Variants in COL13A1 observed in about 807,000 individuals in gnomAD.
The protein encoded by COL13A1 is collagen type XIII alpha 1 chain.
A neutral mutation model predicts 130.9 loss-of-function variants in COL13A1; 89 were observed. The ratio of observed to expected loss-of-function variants is 0.68; its 90% CI spans 0.57 to 0.81. COL13A1 has a LOEUF of 0.81. COL13A1 is among the 30% of genes least tolerant of loss of function. COL13A1 has a pLI of 0.00. For missense variants in COL13A1, 879 were observed against 934.6 expected (o/e 0.94, Z 0.78); for synonymous variants, 402 against 341.6 (o/e 1.18, Z -1.95).
chr10:69,830,826 C>T (rs891478990), intron 2 of COL13A1, among the ~76,000 whole-genome samples: 3 of 152,146 alleles, frequency 2.0e-5, no homozygotes, highest in African/African-American at 7.2e-5. Context: ...AAACCATCAC[C>T]ACAATCAGTT....
Position 69,958,821 on chromosome 10 carries a change from A to G in COL13A1, c.*120A>G. The G allele has an allele frequency of 7.4e-7, 1 of 1,360,000 alleles. No homozygotes were observed. Among genetic ancestry groups the G allele is most frequent in the Non-Finnish European group, 1.0e-6 (1 of 993,474 alleles). 84.2% of individuals were successfully genotyped at this position (1,360,000 alleles called of 1,614,324 possible). On this transcript the variant is annotated 3_prime_UTR_variant, in exon 41 of 41. Transcript: ENST00000645393. Reference sequence around the variant, plus strand: ...GCATCTTACAGATTATTAAAAAAGAAAGAAAAACCTGCATATTTTGTACAG... The same window carrying G: ...GCATCTTACAGATTATTAAAAAAGAGAGAAAAACCTGCATATTTTGTACAG...
intron 40 of COL13A1, 95 bp downstream of exon 40, chr10:69,957,137 C>A (rs1589786363): frequency 2.8e-6 from 3 of 1,080,226 alleles, no homozygotes; most frequent in East Asian, 2.4e-5. Flanking sequence ...GATGAGGCAG[C>A]AAGACATAGG....
intron 13 of COL13A1, 116 bp from the exon 14 acceptor site, chr10:69,898,581 C>T (rs2061886008): frequency 1.3e-6 from 1 of 744,014 alleles, no homozygotes; most frequent in South Asian, 1.8e-5. Flanking sequence ...CTTCTCTCTT[C>T]CTCTGCTCCG....
At chr10:69,810,654 C>T (rs1275536162) in intron 1 of COL13A1, among the ~76,000 whole-genome samples, 3 of 152,200 alleles carry the variant, frequency 2.0e-5, no homozygotes, top group African/African-American at 7.2e-5. Context: ...GGTTCTGCCC[C>T]TCCCAGAAAC....
Position 69,858,115 on chromosome 10 carries a change from C to CAAAAAAAAAA in COL13A1, c.365-9672_365-9663dup, listed in dbSNP as rs573668102. Reference sequence around the variant, plus strand: ...TGGGTGACAGAGCGAGACTCCGTCTCAAAAAAAAAAAAAAAAAAAAGATTG... The same window carrying CAAAAAAAAAA: ...TGGGTGACAGAGCGAGACTCCGTCTCAAAAAAAAAAAAAAAAAAAAAAAAAAAAAAGATTG... On this transcript the variant is annotated intron_variant, in intron 2 of 40. Transcript: ENST00000645393. Among the ~76,000 whole-genome samples, 717 of 80,250 alleles carry CAAAAAAAAAA rather than the reference C, an allele frequency of 8.9e-3. 71 individuals carry two copies. The highest frequency in any genetic ancestry group is 0.023 in the Middle Eastern group (2 of 88). 52.6% of individuals were successfully genotyped at this position (80,250 alleles called of 152,430 possible). A position where few individuals can be genotyped will look rare whatever the true frequency, so the allele number is the denominator to read the frequency against.
At chr10:69,843,923 G>A (rs1477267335) in intron 2 of COL13A1, among the ~76,000 whole-genome samples, 2 of 152,180 alleles carry the variant, frequency 1.3e-5, no homozygotes, top group East Asian at 3.9e-4. Context: ...TGTGGGCCAG[G>A]CGCTGTTATC....
chr10:69,872,073 A>G (rs1206482170), intron 3 of COL13A1, 111 bp from the exon 4 acceptor site: 5 of 1,272,812 alleles, frequency 3.9e-6, no homozygotes, highest in South Asian at 1.2e-5. Context: ...ATAAAATAAC[A>G]AAGGCTTACC....
In COL13A1 at chr10:69,936,773, T is replaced by C; in HGVS notation, c.1788T>C (p.Pro596=). The C allele has an allele frequency of 6.2e-7, 1 of 1,613,974 alleles. No individual in the cohort carries two copies. The highest frequency in any genetic ancestry group is 8.5e-7 in the Non-Finnish European group (1 of 1,179,874). The part of the protein sequence containing the change: ...PPGPPGLQGV[P]GPKGEAGLDG... The stretch of plus-strand genomic sequence containing the variant: ...AAATGCAGGGGCTCCAAGGTGTTCC[T>C]GGACCAAAGGTAAGGAGAAGTCACA... Residue 596 remains proline (P), a synonymous_variant, in exon 33 of 41, where the codon CCT becomes CCC. Transcript: ENST00000645393.
intron 10 of COL13A1, 84 bp from the exon 11 acceptor site, chr10:69,894,468 C>A: frequency 5.9e-6 from 9 of 1,529,464 alleles, no homozygotes; most frequent in Non-Finnish European, 8.1e-6. Context: ...CTTCGGGATT[C>A]AGCCCCAATC....
At chr10:69,867,719 G>A in intron 2 of COL13A1, 79 bp from the exon 3 acceptor site, 1 of 714,288 alleles carries the variant, frequency 1.4e-6, no homozygotes, top group Non-Finnish European at 2.6e-6. Flanking sequence ...TGAATCCTTG[G>A]ACACTGCTTC....
At chr10:69,882,772 T>C (rs2060265939) in intron 7 of COL13A1, among the ~76,000 whole-genome samples, 1 of 152,222 alleles carries the variant, frequency 6.6e-6, no homozygotes, top group Non-Finnish European at 1.5e-5. Flanking sequence ...GGAAAGGTTT[T>C]ATCATACCAG....
At chr10:69,862,456 C>T (rs1486299563) in intron 2 of COL13A1, among the ~76,000 whole-genome samples, 1 of 152,184 alleles carries the variant, frequency 6.6e-6, no homozygotes, top group Admixed American at 6.5e-5. Flanking sequence ...GGCCATAGGG[C>T]TGTACGTGAC....
intron 1 of COL13A1, among the ~76,000 whole-genome samples, chr10:69,812,978 A>G (rs1200466480): frequency 6.6e-6 from 1 of 152,194 alleles, no homozygotes; most frequent in Non-Finnish European, 1.5e-5. Context: ...CACAGCTCTG[A>G]TGACAATGGC....
At chr10:69,857,374 C>T (rs576238031) in intron 2 of COL13A1, among the ~76,000 whole-genome samples, 1 of 152,292 alleles carries the variant, frequency 6.6e-6, no homozygotes, top group African/African-American at 2.4e-5. Flanking sequence ...TTTAAGGGCT[C>T]ATCTGAGAGG....
chr10:69,854,673 C>T (rs981509089), intron 2 of COL13A1, among the ~76,000 whole-genome samples: 2 of 151,982 alleles, frequency 1.3e-5, no homozygotes, highest in Non-Finnish European at 2.9e-5. Context: ...TGAGACCTGC[C>T]AAGGATGCCA....
intron 20 of COL13A1, 30 bp downstream of exon 20, chr10:69,919,118 G>C: frequency 6.2e-7 from 1 of 1,613,744 alleles, no homozygotes; most frequent in Middle Eastern, 1.7e-4. Context: ...GTTCCGGGCT[G>C]CACAGAGCAT....
chr10:69,826,466 C>T (rs1407469613), intron 2 of COL13A1, among the ~76,000 whole-genome samples: 1 of 152,180 alleles, frequency 6.6e-6, no homozygotes, highest in African/African-American at 2.4e-5. Context: ...CCATGACCAG[C>T]ACTGCAAAGA....
intron 28 of COL13A1, among the ~76,000 whole-genome samples, chr10:69,929,317 C>T (rs930668184): frequency 2.0e-5 from 3 of 152,024 alleles, no homozygotes; most frequent in African/African-American, 7.2e-5. Flanking sequence ...ATCTGAGCCC[C>T]TCCCCAATCC....
intron 2 of COL13A1, among the ~76,000 whole-genome samples, chr10:69,836,226 G>A (rs1426557635): frequency 6.6e-6 from 1 of 152,244 alleles, no homozygotes; most frequent in Non-Finnish European, 1.5e-5. Flanking sequence ...CTCAGTGGCT[G>A]CTGCAGAGAC....
Sources: gnomAD v4.1 joint callset for allele counts (sites outside exome capture counted in the v4.1 genomes callset) on GRCh38, gnomAD v4.1.1 for gene constraint, MANE v1.5 for transcripts, NCBI Gene and HGNC (gene_info 2026-07-23, HGNC 2026-07-21) for gene names.